ATP8B4: variants seen among roughly 807,000 people sequenced by gnomAD.
ATP8B4 encodes the protein ATPase phospholipid transporting 8B4 (putative), also known as probable phospholipid-transporting ATPase IM.
ATP8B4 carries 133 observed loss-of-function variants against 145.6 expected under a neutral mutation model. The ratio of observed to expected loss-of-function variants is 0.91; its 90% CI spans 0.79 to 1.05. The LOEUF is 1.05. Among genes scored for constraint, ATP8B4 ranks in the 50% least tolerant of loss-of-function variants. The pLI, the probability that ATP8B4 is intolerant of heterozygous loss-of-function variation, is 0.00. For synonymous variants in ATP8B4, 507 were observed against 492.9 expected (o/e 1.03, Z -0.38); for missense variants, 1,458 against 1,425.2 (o/e 1.02, Z -0.37).
chr15:49,934,308 A>G (rs1023168715), intron 14 of ATP8B4, 126 bp from the exon 15 acceptor site: 5 of 1,058,396 alleles, frequency 4.7e-6, no homozygotes, highest in Non-Finnish European at 6.6e-6. Flanking sequence ...GTCTGGCACT[A>G]AAATGGCTGT....
At chr15:50,156,738 A>G (rs1014300508) in intron 1 of ATP8B4, among the ~76,000 whole-genome samples, 1 of 152,220 alleles carries the variant, frequency 6.6e-6, no homozygotes, top group African/African-American at 2.4e-5. Context: ...AATGGATAAT[A>G]ATATAGCTGG....
At chr15:50,030,350 G>T (rs1318657542) in intron 6 of ATP8B4, among the ~76,000 whole-genome samples, 3 of 152,092 alleles carry the variant, frequency 2.0e-5, no homozygotes, top group African/African-American at 7.2e-5. Context: ...ATGCATCCTG[G>T]TTACAAAAGA....
At chr15:50,163,067 T>A (rs1174172022) in intron 1 of ATP8B4, among the ~76,000 whole-genome samples, 1 of 152,234 alleles carries the variant, frequency 6.6e-6, no homozygotes, top group African/African-American at 2.4e-5. Context: ...AAACAGTTAT[T>A]TTGTCTTTTC....
At chr15:49,921,138 G>A (rs1376476412) in intron 17 of ATP8B4, among the ~76,000 whole-genome samples, 1 of 152,098 alleles carries the variant, frequency 6.6e-6, no homozygotes, top group African/African-American at 2.4e-5. Context: ...GTTGCTTCTG[G>A]GAAGCAGGAC....
rs753542910 is a variant in ATP8B4, at chr15:50,104,887, A to ACACACACACACACACACC, written c.28+2051_28+2052insGGTGTGTGTGTGTGTGTG. 8.6e-3 allele frequency among the ~76,000 whole-genome samples: 1,310 copies of ACACACACACACACACACC among 151,470 alleles called. 4 individuals are homozygous for ACACACACACACACACACC. The highest frequency in any genetic ancestry group is 0.014 in the Non-Finnish European group (961 of 67,804). ...TGCATACACACACACACACACACAC[A>ACACACACACACACACACC]CCCATATATACACTATGGAATACTA... On this transcript the variant is annotated intron_variant, in intron 2 of 27. Transcript: ENST00000284509.
intron 7 of ATP8B4, among the ~76,000 whole-genome samples, chr15:50,004,687 A>G (rs2048175847): frequency 6.6e-6 from 1 of 152,158 alleles, no homozygotes; most frequent in Non-Finnish European, 1.5e-5. Flanking sequence ...TGTTATCTCC[A>G]CTTTACAGAT....
At chr15:49,883,163 CA>C (rs2153411136) in intron 23 of ATP8B4, 1 of 148,768 alleles carries the variant, frequency 6.7e-6, no homozygotes, top group Admixed American at 6.8e-5. Flanking sequence ...TTTTTTAAAG[CA>C]GAGCAGCTGA....
intron 2 of ATP8B4, among the ~76,000 whole-genome samples, chr15:50,074,785 A>C (rs1291044526): frequency 6.6e-6 from 1 of 152,244 alleles, no homozygotes; most frequent in Non-Finnish European, 1.5e-5. Context: ...TAATATAAAA[A>C]GGACAATAAA....
chr15:49,995,671 T>C (rs1388911476), intron 9 of ATP8B4, among the ~76,000 whole-genome samples: 2 of 152,188 alleles, frequency 1.3e-5, no homozygotes, highest in Admixed American at 1.3e-4. Flanking sequence ...CTTTAACTCA[T>C]GTGATTATGC....
At chr15:49,862,509 T>C in intron 26 of ATP8B4, 134 bp from the exon 27 acceptor site, 1 of 1,032,304 alleles carries the variant, frequency 9.7e-7, no homozygotes, top group East Asian at 3.2e-5. Context: ...GCTGGTGGAA[T>C]GCAGTGGTGC....
chr15:50,113,699 C>A (rs535550550), intron 1 of ATP8B4, among the ~76,000 whole-genome samples: 1 of 151,748 alleles, frequency 6.6e-6, no homozygotes, highest in Non-Finnish European at 1.5e-5. Flanking sequence ...ATTAGCTGGG[C>A]GTGGTGGCAC....
intron 24 of ATP8B4, among the ~76,000 whole-genome samples, chr15:49,877,459 C>T (rs752804671): frequency 1.3e-5 from 2 of 152,138 alleles, no homozygotes; most frequent in Non-Finnish European, 2.9e-5. Context: ...AGGAACATTC[C>T]CCTTCCTGCT....
At chr15:50,060,900 G>A (rs1289081276) in intron 3 of ATP8B4, among the ~76,000 whole-genome samples, 1 of 152,150 alleles carries the variant, frequency 6.6e-6, no homozygotes, top group Admixed American at 6.6e-5. Flanking sequence ...TAAGAGTTTT[G>A]ATAGGCACAA....
intron 20 of ATP8B4, among the ~76,000 whole-genome samples, chr15:49,902,508 C>T (rs1269622480): frequency 6.6e-6 from 1 of 152,196 alleles, no homozygotes; most frequent in African/African-American, 2.4e-5. Context: ...AGACCAAAAT[C>T]ACATCTGCAT....
chr15:49,996,532 G>T, intron 9 of ATP8B4, 145 bp downstream of exon 9: 1 of 608,198 alleles, frequency 1.6e-6, no homozygotes, highest in Non-Finnish European at 2.8e-6. Context: ...TTTTTAGCGT[G>T]CGAAGAAATT....
chr15:49,965,517 C>T (rs556001226), intron 13 of ATP8B4, among the ~76,000 whole-genome samples: 1 of 152,236 alleles, frequency 6.6e-6, no homozygotes, highest in East Asian at 1.9e-4. Flanking sequence ...AAACGGCCAG[C>T]GTTGGGGTGA....
chr15:49,935,871 A>T (rs987863164), intron 14 of ATP8B4, among the ~76,000 whole-genome samples: 39 of 152,184 alleles, frequency 2.6e-4, no homozygotes, highest in African/African-American at 9.2e-4. Flanking sequence ...TGCAACTCTA[A>T]GTAACATACA....
chr15:50,039,559 A>G (rs950982800), intron 5 of ATP8B4, among the ~76,000 whole-genome samples: 1 of 152,200 alleles, frequency 6.6e-6, no homozygotes, highest in Admixed American at 6.5e-5. Context: ...GTAGTAGGCT[A>G]TAAGAGAAAA....
intron 4 of ATP8B4, among the ~76,000 whole-genome samples, chr15:50,046,287 C>G (rs2051712309): frequency 6.6e-6 from 1 of 152,122 alleles, no homozygotes; most frequent in Non-Finnish European, 1.5e-5. Flanking sequence ...TTCTCTCTCT[C>G]CCCCTCCCCC....
Sources: gnomAD v4.1 joint callset for allele counts (sites outside exome capture counted in the v4.1 genomes callset) on GRCh38, gnomAD v4.1.1 for gene constraint, MANE v1.5 for transcripts, NCBI Gene and HGNC (gene_info 2026-07-23, HGNC 2026-07-21) for gene names.